Variants in CFAP69 observed in about 807,000 individuals in gnomAD.
CFAP69 encodes the protein cilia and flagella associated protein 69.
Under a neutral mutation model 123.0 loss-of-function variants are expected in CFAP69, and 92 were observed. The ratio of observed to expected loss-of-function variants is 0.75; its 90% CI spans 0.63 to 0.89. The LOEUF (loss-of-function observed/expected upper bound fraction) is 0.89, where lower values mean the gene tolerates loss of function less well. Ranked by LOEUF, CFAP69 falls within the 40% of genes least tolerant of loss-of-function variation. The probability of loss-of-function intolerance (pLI) is 0.00; values close to 1 mark genes in which losing one functional copy is unlikely to be tolerated. For missense variants in CFAP69, 1,067 were observed against 1,096.9 expected (o/e 0.97, Z 0.39); for synonymous variants, 380 against 364.3 (o/e 1.04, Z -0.49).
At chr7:90,317,727 G>C in the CFAP69 span, 1 of 152,168 alleles carries the variant, frequency 6.6e-6, no homozygotes, top group South Asian at 2.1e-4. Flanking sequence ...TGCAAAGAAC[G>C]TCCCTCCTTT....
rs1232514457 is a variant in CFAP69, at chr7:90,310,075, C to G, written c.2663C>G (p.Ser888Cys). 3 of 1,607,850 alleles carry G rather than the reference C, an allele frequency of 1.9e-6. No individual in the cohort carries two copies. The highest frequency in any genetic ancestry group is 2.5e-6 in the Non-Finnish European group (3 of 1,176,558). Residue 888 changes from serine (S) to cysteine (C), a missense_variant, in exon 23 of 23, where the codon TCT becomes TGT. Ser to Cys is a moderately radical substitution (Grantham distance 112, BLOSUM62 -1). Coordinates refer to ENST00000389297, the MANE Select transcript of CFAP69 (RefSeq NM_001039706.3). Reference sequence around the variant, plus strand: ...TACCTTTTGCCTTTTTAGGTGCCCTCTGGTGGAGTAGTAACAGTGGAAAGC... The same window carrying G: ...TACCTTTTGCCTTTTTAGGTGCCCTGTGGTGGAGTAGTAACAGTGGAAAGC... ...HIKGLNTTVP[S>C]GGVVTVESTP...
intron 13 of CFAP69, among the ~76,000 whole-genome samples, chr7:90,285,475 C>T: frequency 6.6e-6 from 1 of 152,056 alleles, no homozygotes; most frequent in Non-Finnish European, 1.5e-5. Context: ...TCATGAATAT[C>T]ATTTCGTCAG....
At chr7:90,251,641 A>T (rs1257584070) in intron 1 of CFAP69, among the ~76,000 whole-genome samples, 1 of 151,890 alleles carries the variant, frequency 6.6e-6, no homozygotes, top group Non-Finnish European at 1.5e-5. Flanking sequence ...GGACATTGTT[A>T]TTCCCCACAC....
chr7:90,311,691 T>C (rs1199807018), downstream of CFAP69, among the ~76,000 whole-genome samples: 4 of 152,258 alleles, frequency 2.6e-5, no homozygotes, highest in South Asian at 6.2e-4. Flanking sequence ...AGCATCTTCA[T>C]TGAGAGGTAG....
chr7:90,264,104 AATATATATATATATATATATATATATAT>A (rs71104454), intron 4 of CFAP69, among the ~76,000 whole-genome samples: 3 of 48,890 alleles, frequency 6.1e-5, no homozygotes, highest in Non-Finnish European at 8.1e-5. Flanking sequence ...AAAAAAAAAA[AATATATATATATATATATATATATATAT>A]ATATATATAT....
the CFAP69 span, chr7:90,318,174 T>G: frequency 6.6e-6 from 1 of 152,224 alleles, no homozygotes; most frequent in Admixed American, 6.5e-5. Flanking sequence ...TGTCTTCATG[T>G]CCCAATGTTC....
intron 11 of CFAP69, among the ~76,000 whole-genome samples, chr7:90,278,292 T>C (rs1404123593): frequency 6.6e-6 from 1 of 152,170 alleles, no homozygotes; most frequent in Non-Finnish European, 1.5e-5. Flanking sequence ...AACATGGGGA[T>C]AACACCTACC....
At chr7:90,292,987 C>T (rs541744628) in intron 15 of CFAP69, among the ~76,000 whole-genome samples, 1 of 152,184 alleles carries the variant, frequency 6.6e-6, no homozygotes, top group African/African-American at 2.4e-5. Flanking sequence ...GACAAAACAT[C>T]GCACAGTCAA....
chr7:90,271,845 C>T lies in CFAP69; in HGVS notation c.747C>T (p.Asp249=), dbSNP rs1799998529. 3 of 1,603,866 alleles carry T rather than the reference C, an allele frequency of 1.9e-6. No individual in the cohort carries two copies. The highest frequency in any genetic ancestry group is 2.6e-6 in the Non-Finnish European group (3 of 1,173,856). Residue 249 remains aspartate (D), a synonymous_variant, in exon 8 of 23, where the codon GAC becomes GAT. Coordinates refer to ENST00000389297, the MANE Select transcript of CFAP69 (RefSeq NM_001039706.3). ...GTGGAATCTGTACTCACCTCAATGA[C>T]CCAGATCCCTCTGGACAGCTTTTAT... is the stretch of plus-strand genomic sequence containing the variant. ...AASGICTHLN[D]PDPSGQLLFR...
chr7:90,255,348 T>C, intron 1 of CFAP69, 75 bp from the exon 2 acceptor site: 11 of 1,171,192 alleles, frequency 9.4e-6, no homozygotes, highest in Non-Finnish European at 1.4e-5. Context: ...GAAAGTATCA[T>C]ATAAATTAGT....
intron 1 of CFAP69, among the ~76,000 whole-genome samples, chr7:90,249,443 A>G (rs1222361826): frequency 6.6e-6 from 1 of 152,170 alleles, no homozygotes; most frequent in African/African-American, 2.4e-5. Context: ...ACTGGGTATC[A>G]AAACCTACCA....
chr7:90,249,423 A>G (rs1260720653), intron 1 of CFAP69, among the ~76,000 whole-genome samples: 1 of 152,214 alleles, frequency 6.6e-6, no homozygotes, highest in Non-Finnish European at 1.5e-5. Flanking sequence ...GTGTGAAAAC[A>G]GACTAATACA....
At chr7:90,276,257 G>A (rs1439754994) in intron 9 of CFAP69, 1 of 152,184 alleles carries the variant, frequency 6.6e-6, no homozygotes, top group East Asian at 1.9e-4. Context: ...TGTGCAAATA[G>A]GGAAACAGTG....
intron 4 of CFAP69, among the ~76,000 whole-genome samples, chr7:90,263,906 C>T (rs944124672): frequency 1.3e-5 from 2 of 151,222 alleles, no homozygotes; most frequent in Non-Finnish European, 1.5e-5. Context: ...CTGGATAACA[C>T]GGTGAAACCC....
At chr7:90,268,531 C>T in intron 6 of CFAP69, 147 bp downstream of exon 6, 1 of 559,878 alleles carries the variant, frequency 1.8e-6, no homozygotes, top group South Asian at 2.4e-5. Flanking sequence ...GCTCTTTGGT[C>T]ATCTTTTGAA....
intron 3 of CFAP69, among the ~76,000 whole-genome samples, chr7:90,259,470 G>GTGTTTGTT (rs71526680): frequency 1.9e-3 from 239 of 126,876 alleles, no homozygotes; most frequent in Middle Eastern, 4.3e-3. Flanking sequence ...TTGTTTTGGG[G>GTGTTTGTT]TGTTTGTTTG....
In CFAP69 at chr7:90,252,171, G is replaced by A. The variant is rs557192441; in HGVS notation, c.121-3252G>A. On this transcript the variant is annotated intron_variant, in intron 1 of 22. Coordinates refer to ENST00000389297, the MANE Select transcript of CFAP69 (RefSeq NM_001039706.3). ...GCATGCGCGTATAAAATCTGAGAGT[G>A]TAGGAGGAAAAGAGAAAAGACAGCT... Among the ~76,000 whole-genome samples the A allele has an allele frequency of 2.0e-5, 3 of 151,476 alleles. No individual in the cohort carries two copies. In the East Asian group the frequency reaches 5.9e-4, roughly 30 times the overall value.
chr7:90,295,204 A>G (rs1016063600), intron 15 of CFAP69, among the ~76,000 whole-genome samples: 3 of 152,178 alleles, frequency 2.0e-5, no homozygotes, highest in African/African-American at 7.2e-5. Flanking sequence ...TGCCAAACCC[A>G]TTCTTAGCCA....
chr7:90,252,112 G>C (rs1797087207), intron 1 of CFAP69: 1 of 20,792 alleles, frequency 4.8e-5, no homozygotes. Flanking sequence ...AAAACCCACT[G>C]TGTGTGTGTG....
Sources: gnomAD v4.1 joint callset for allele counts (sites outside exome capture counted in the v4.1 genomes callset) on GRCh38, gnomAD v4.1.1 for gene constraint, MANE v1.5 for transcripts, NCBI Gene and HGNC (gene_info 2026-07-23, HGNC 2026-07-21) for gene names.